ACO1: variants seen among roughly 807,000 people sequenced by gnomAD.
The protein encoded by ACO1 is aconitase 1.
Under a neutral mutation model 105.1 loss-of-function variants are expected in ACO1, and 78 were observed. That is an observed-to-expected ratio of 0.74 (90% CI 0.62 to 0.90). The LOEUF is 0.90. Among genes scored for constraint, ACO1 ranks in the 40% least tolerant of loss-of-function variants. ACO1 has a pLI of 0.00. For synonymous variants in ACO1, 364 were observed against 397.4 expected, an observed-to-expected ratio of 0.92 and a Z score of 1.00; for missense variants, 965 against 1,111.1, an observed-to-expected ratio of 0.87 and a Z score of 1.87.
chr9:32,426,897 C>T (rs1466756154), intron 11 of ACO1, among the ~76,000 whole-genome samples: 1 of 152,132 alleles, frequency 6.6e-6, no homozygotes, highest in Non-Finnish European at 1.5e-5. Flanking sequence ...AGCCAGCACA[C>T]AGCTGATATA....
At chr9:32,413,082 C>G (rs974243168) in intron 4 of ACO1, among the ~76,000 whole-genome samples, 1 of 151,424 alleles carries the variant, frequency 6.6e-6, no homozygotes, top group Non-Finnish European at 1.5e-5. Context: ...TTTTATAGAC[C>G]TTTTTCATTT....
intron 19 of ACO1, among the ~76,000 whole-genome samples, chr9:32,444,403 A>G (rs1419893391): frequency 6.6e-6 from 1 of 152,158 alleles, no homozygotes; most frequent in African/African-American, 2.4e-5. Flanking sequence ...TCGCCACACC[A>G]TCTTCCACAA....
chr9:32,388,875 G>A (rs1821207693), intron 1 of ACO1, among the ~76,000 whole-genome samples: 1 of 152,038 alleles, frequency 6.6e-6, no homozygotes, highest in Admixed American at 6.6e-5. Flanking sequence ...ACTTTCGGAA[G>A]GAAAATAGAG....
At chr9:32,447,578 A>G (rs1345738404) in intron 19 of ACO1, among the ~76,000 whole-genome samples, 3 of 152,096 alleles carry the variant, frequency 2.0e-5, no homozygotes, top group East Asian at 1.9e-4. Context: ...CAATTTGTCA[A>G]TCTCATTCAC....
chr9:32,385,601 TGAG>T (rs1389307654), intron 1 of ACO1, among the ~76,000 whole-genome samples: 2 of 152,234 alleles, frequency 1.3e-5, no homozygotes, highest in Non-Finnish European at 2.9e-5. Context: ...AGAAAATGAT[TGAG>T]AAGAGTGGCA....
chr9:32,440,740 G>A (rs1822461849), intron 19 of ACO1, among the ~76,000 whole-genome samples, 153 bp downstream of exon 19: 1 of 152,176 alleles, frequency 6.6e-6, no homozygotes, highest in Non-Finnish European at 1.5e-5. Flanking sequence ...GCTTCTTGGT[G>A]CCTCTGGATT....
chr9:32,426,367 G>A (rs372860527), intron 11 of ACO1, among the ~76,000 whole-genome samples: 12 of 152,212 alleles, frequency 7.9e-5, no homozygotes, highest in Admixed American at 5.9e-4. Context: ...GAGTTCTGAC[G>A]TGAATGCTGG....
At position 32,397,727 on chromosome 9, in the gene ACO1, T is replaced by C. The variant is rs896731984; in HGVS notation, c.-22-7758T>C. On this transcript the variant is annotated intron_variant, in intron 1 of 20. Transcript: ENST00000309951. ...AGATGCAGTGATAGTACTTTGACTTTAGAGTTGGAAGCCATGGCAGTTCAA... is the reference window on the plus strand; with the variant it reads ...AGATGCAGTGATAGTACTTTGACTTCAGAGTTGGAAGCCATGGCAGTTCAA... 3.3e-5 allele frequency among the ~76,000 whole-genome samples: 5 copies of C among 152,306 alleles called. No homozygotes were observed. The East Asian group carries it at 9.6e-4, about 29-fold the overall frequency.
At chr9:32,435,363 A>G (rs1462764532) in intron 17 of ACO1, among the ~76,000 whole-genome samples, 2 of 152,192 alleles carry the variant, frequency 1.3e-5, no homozygotes, top group Admixed American at 1.3e-4. Flanking sequence ...CTTTTGAGGC[A>G]TGAACACGTC....
In ACO1 at chr9:32,425,956, G is replaced by C; in HGVS notation, c.1307G>C (p.Ser436Thr). The C allele has an allele frequency of 1.2e-6, 2 of 1,614,044 alleles. No individual in the cohort carries two copies. The highest frequency in any genetic ancestry group is 1.7e-6 in the Non-Finnish European group (2 of 1,179,982). Residue 436 changes from serine to threonine, a missense_variant, in exon 11 of 21, where the codon AGC (serine) becomes ACC (threonine). Transcript: ENST00000309951. ...HGSVVIAAITSCTNTSNPSVM... is the reference protein window; with the variant it reads ...HGSVVIAAITTCTNTSNPSVM... The stretch of plus-strand genomic sequence containing the variant: ...TCTGTGGTCATTGCTGCCATTACTA[G>C]CTGCACAAACACCAGTAATCCGTCT...
At chr9:32,426,038 G>T (rs759790204) in intron 11 of ACO1, 41 bp downstream of exon 11, 2 of 1,595,988 alleles carry the variant, frequency 1.3e-6, no homozygotes, top group African/African-American at 2.7e-5. Flanking sequence ...ATACATGTGT[G>T]TAGGTGGAAA....
In ACO1 at chr9:32,420,892, G is replaced by A. The variant is rs771629289; in HGVS notation, c.835G>A (p.Glu279Lys). 4 of 1,613,888 alleles carry A rather than the reference G, an allele frequency of 2.5e-6. No homozygotes were observed. The highest frequency in any genetic ancestry group is 2.2e-5 in the East Asian group (1 of 44,888). ...GGTTGGGGTAGTGGGCAAATTTGTC[G>A]AGTTCTTCGGGCCTGGAGTAGCCCA... The part of the protein sequence containing the change: ...RQVGVVGKFV[E>K]FFGPGVAQLS... Residue 279 changes from glutamate to lysine, a missense_variant, in exon 8 of 21, where the codon GAG becomes AAG. Physicochemically the swap from Glu to Lys is moderately conservative, Grantham distance 56. Coordinates refer to ENST00000309951, the MANE Select transcript of ACO1 (RefSeq NM_002197.3).
At position 32,411,471 on chromosome 9, in the gene ACO1, TAAGAG is replaced by T. The variant is rs571053605; in HGVS notation, c.404+2823_404+2827del. 8.5e-3 allele frequency among the ~76,000 whole-genome samples: 1,296 copies of T among 152,314 alleles called. 10 individuals carry two copies. The highest frequency in any genetic ancestry group is 0.013 in the Non-Finnish European group (875 of 68,026). On this transcript the variant is annotated intron_variant, in intron 4 of 20. Coordinates refer to ENST00000309951, the MANE Select transcript of ACO1 (RefSeq NM_002197.3). ...GGTATAGATTTAGTTACTGCAAAGT[TAAGAG>T]AAAATAACTTGAAAAATATGGCAAA...
rs779595165 is a variant in ACO1 at position 32,423,366 on chromosome 9, G to T, written c.1018G>T (p.Val340Leu). 2 of 1,597,748 alleles carry T rather than the reference G, an allele frequency of 1.3e-6. No homozygotes were observed. The highest frequency in any genetic ancestry group is 8.5e-7 in the Non-Finnish European group (1 of 1,174,510). ...LKYIKKYLQAVGMFRDFNDPS... is the reference protein window; with the variant it reads ...LKYIKKYLQALGMFRDFNDPS... ...GTATATTAAAAAATATCTTCAGGCT[G>T]TAGGAATGTTTCGAGATTTCAATGA... The change falls in exon 9 of 21, where the codon GTA becomes TTA. Residue 340 changes from valine (V) to leucine (L), a missense_variant. Val to Leu is a conservative substitution (Grantham distance 32). Transcript: ENST00000309951.
chr9:32,429,595 A>G, intron 13 of ACO1, 92 bp downstream of exon 13: 1 of 1,105,312 alleles, frequency 9.0e-7, no homozygotes, highest in Non-Finnish European at 1.3e-6. Context: ...AGGTCCATGG[A>G]AGCAGGGGAT....
chr9:32,437,927 A>G (rs1183559278), intron 18 of ACO1, among the ~76,000 whole-genome samples: 1 of 152,192 alleles, frequency 6.6e-6, no homozygotes, highest in Non-Finnish European at 1.5e-5. Flanking sequence ...ACCTGCCTAA[A>G]TAGAAGTGTT....
chr9:32,386,181 A>G (rs933064324), intron 1 of ACO1, among the ~76,000 whole-genome samples: 1 of 152,250 alleles, frequency 6.6e-6, no homozygotes, highest in Admixed American at 6.6e-5. Flanking sequence ...TGGGGAGACC[A>G]TGCCAAGTGT....
intron 1 of ACO1, among the ~76,000 whole-genome samples, chr9:32,390,921 G>T (rs543487616): frequency 6.6e-6 from 1 of 152,124 alleles, no homozygotes; most frequent in East Asian, 1.9e-4. Context: ...CCCACCAGGC[G>T]AAAGACCTGA....
chr9:32,440,519 G>A lies in ACO1; in HGVS notation c.2302G>A (p.Val768Ile), dbSNP rs371291915. ...RYQQAGLPLI[V>I]LAGKEYGAGS... ...CCAGCAGGCAGGCCTTCCCCTGATC[G>A]TTCTGGCTGGCAAAGAGTACGGTGC... Residue 768 changes from valine to isoleucine, a missense_variant, in exon 19 of 21, where the codon GTT becomes ATT. Val to Ile is a conservative substitution (Grantham distance 29). Transcript: ENST00000309951. 1.3e-5 allele frequency: 21 copies of A among 1,613,858 alleles called. No homozygotes were observed. In the African/African-American group the frequency reaches 1.9e-4, roughly 14 times the overall value.
Sources: allele counts gnomAD v4.1 joint callset (sites outside exome capture counted in the v4.1 genomes callset), GRCh38; gene constraint gnomAD v4.1.1; transcripts MANE v1.5; gene names NCBI Gene and HGNC (gene_info 2026-07-23, HGNC 2026-07-21).